The following YAP1 variants were observed in gnomAD, a reference collection of about 807,000 sequenced individuals.
The protein encoded by YAP1 is Yes1 associated transcriptional regulator, also known as transcriptional coactivator YAP1.
A neutral mutation model predicts 56.9 loss-of-function variants in YAP1; 5 were observed. The observed-to-expected ratio is 0.09, with a 90% CI of 0.05 to 0.18. The LOEUF (loss-of-function observed/expected upper bound fraction) is 0.18. YAP1 is among the 10% of genes least tolerant of loss of function. The pLI, the probability that YAP1 is intolerant of heterozygous loss-of-function variation, is 1.00. For missense variants in YAP1, 539 were observed against 651.8 expected (o/e 0.83, Z 1.88); for synonymous variants, 265 against 248.1 (o/e 1.07, Z -0.64).
At chr11:102,171,567 T>C (rs888812617) in intron 3 of YAP1, among the ~76,000 whole-genome samples, 130 of 152,334 alleles carry the variant, frequency 8.5e-4, no homozygotes, top group African/African-American at 2.9e-3. Context: ...AGCTAATCTT[T>C]AATAAATAAA....
intron 2 of YAP1, among the ~76,000 whole-genome samples, chr11:102,140,670 C>T (rs950925157): frequency 2.6e-5 from 4 of 152,118 alleles, no homozygotes; most frequent in Non-Finnish European, 4.4e-5. Context: ...TGGTGAAACC[C>T]TGTCTCTACT....
intron 2 of YAP1, among the ~76,000 whole-genome samples, chr11:102,128,434 G>A (rs1207088701): frequency 2.0e-5 from 3 of 152,140 alleles, no homozygotes; most frequent in Non-Finnish European, 2.9e-5. Flanking sequence ...TGCCATGTAA[G>A]AAGTGCCTCT....
chr11:102,216,642 T>C (rs1395635866), intron 6 of YAP1, among the ~76,000 whole-genome samples: 1 of 152,180 alleles, frequency 6.6e-6, no homozygotes, highest in African/African-American at 2.4e-5. Flanking sequence ...AAAACTGATT[T>C]CAGTTGAAAC....
chr11:102,110,900 C>A lies in YAP1; in HGVS notation c.52C>A (p.Gln18Lys). 7.0e-7 allele frequency: 1 copy of A among 1,435,206 alleles called. No individual in the cohort carries two copies. Among genetic ancestry groups the A allele is most frequent in the African/African-American group, 1.5e-5 (1 of 66,744 alleles). 88.9% of individuals were successfully genotyped at this position (1,435,206 alleles called of 1,614,324 possible). The change falls in exon 1 of 9, where the codon CAG becomes AAG. Residue 18 changes from glutamine to lysine, a missense_variant. Around this residue, in one of 4 missense-constraint regions of YAP1, gnomAD observed 106 missense variants for 86.6 expected, o/e 1.22. Coordinates refer to ENST00000282441, the MANE Select transcript of YAP1 (RefSeq NM_001130145.3). ...PPQPAPQGQG[Q>K]PPSQPPQGQG... ...TCAACCGGCCCCCCAGGGCCAAGGG[C>A]AGCCGCCTTCGCAGCCCCCGCAGGG...
chr11:102,185,040 A>G (rs1947871796), intron 3 of YAP1, among the ~76,000 whole-genome samples: 1 of 152,270 alleles, frequency 6.6e-6, no homozygotes, highest in Non-Finnish European at 1.5e-5. Context: ...AGCACAAGAT[A>G]AGTGTTCAAT....
At chr11:102,218,062 C>G (rs111982518) in intron 6 of YAP1, among the ~76,000 whole-genome samples, 5 of 152,252 alleles carry the variant, frequency 3.3e-5, no homozygotes, top group Non-Finnish European at 5.9e-5. Context: ...CAAAACTCAT[C>G]AATTTATGCA....
In YAP1 at chr11:102,230,164, A is replaced by C. The variant is rs1950386499; in HGVS notation, c.*224A>C. The stretch of plus-strand genomic sequence containing the variant: ...GGCTCTAAAGAATCAAAAGAAAAAA[A>C]CTTTTTATTTCTTTTGCTATTAAAA... On this transcript the variant is annotated 3_prime_UTR_variant, in exon 9 of 9. Transcript: ENST00000282441. The C allele has an allele frequency of 2.3e-6, 1 of 434,648 alleles. No homozygotes were observed. Among genetic ancestry groups the C allele is most frequent in the Non-Finnish European group, 4.1e-6 (1 of 245,820 alleles). 26.9% of individuals were successfully genotyped at this position (434,648 alleles called of 1,614,324 possible).
chr11:102,162,577 T>G lies in YAP1; in HGVS notation c.688+6T>G. The G allele has an allele frequency of 1.9e-6, 3 of 1,611,978 alleles. No homozygotes were observed. The highest frequency in any genetic ancestry group is 2.5e-6 in the Non-Finnish European group (3 of 1,178,054). ...TATGATGAACTCGGCTTCAGGTGAG[T>G]GAGACACTGTAATTACAGCACATGG... On this transcript the variant is annotated splice_donor_region_variant and intron_variant, in intron 3 of 8. Transcript: ENST00000282441.
At chr11:102,220,753 AGATTTTGGG>A (rs748994137) in intron 6 of YAP1, among the ~76,000 whole-genome samples, 1 of 152,192 alleles carries the variant, frequency 6.6e-6, no homozygotes, top group Non-Finnish European at 1.5e-5. Flanking sequence ...AGTGCATGTA[AGATTTTGGG>A]GAGAGAAGTT....
At chr11:102,190,518 C>T (rs1948218041) in intron 4 of YAP1, among the ~76,000 whole-genome samples, 1 of 151,858 alleles carries the variant, frequency 6.6e-6, no homozygotes, top group South Asian at 2.1e-4. Flanking sequence ...TGTAGTCACT[C>T]AGGAGGCTGA....
At chr11:102,181,216 T>C (rs374220980) in intron 3 of YAP1, among the ~76,000 whole-genome samples, 33 of 151,596 alleles carry the variant, frequency 2.2e-4, no homozygotes, top group African/African-American at 7.8e-4. Flanking sequence ...GAGGTTGAGG[T>C]GGGCGGATCA....
Position 102,122,895 on chromosome 11 carries a change from C to CAAAAAAAAAAAAA in YAP1, c.572+8510_572+8522dup, listed in dbSNP as rs56934997. ...TGGGGGACAAGAGCGAGACTTCTCTCAAAAAAAAAAAAAAAAAAAAAGCAA... is the reference window on the plus strand; with the variant it reads ...TGGGGGACAAGAGCGAGACTTCTCTCAAAAAAAAAAAAAAAAAAAAAAAAAAAAAAAAAAGCAA... On this transcript the variant is annotated intron_variant, in intron 2 of 8. Transcript: ENST00000282441. 1.4e-3 allele frequency among the ~76,000 whole-genome samples: 110 copies of CAAAAAAAAAAAAA among 79,432 alleles called. 1 individual carries two copies. Among genetic ancestry groups the CAAAAAAAAAAAAA allele is most frequent in the Non-Finnish European group, 1.5e-3 (62 of 41,396 alleles). The allele number at this position is 79,432 out of a possible 152,430, so 52.1% of individuals were successfully genotyped here.
At position 102,201,315 on chromosome 11, in the gene YAP1, AAAG is replaced by A. The variant is rs144126296; in HGVS notation, c.803-4571_803-4569del. On this transcript the variant is annotated intron_variant, in intron 4 of 8. Transcript: ENST00000282441. The stretch of plus-strand genomic sequence containing the variant: ...TATGCATAGTATGCTACCATATATC[AAAG>A]AAGAAGGGATGTGTGATGTGTATGT... Among the ~76,000 whole-genome samples, 364 of 152,284 alleles carry A rather than the reference AAAG, an allele frequency of 2.4e-3. 4 individuals carry two copies. Among genetic ancestry groups the A allele is most frequent in the Admixed American group, 0.016 (244 of 15,292 alleles).
intron 2 of YAP1, among the ~76,000 whole-genome samples, chr11:102,123,110 C>G (rs1591135098): frequency 6.6e-6 from 1 of 152,038 alleles, no homozygotes; most frequent in East Asian, 1.9e-4. Context: ...TTAATCCTCC[C>G]ATTATAATGA....
rs1386992947 is a variant in YAP1, at chr11:102,111,064, C to T, written c.216C>T (p.Val72=). ...ACCTGGAGGCGCTCTTCAACGCCGT[C>T]ATGAACCCCAAGACGGCCAACGTGC... ...ETDLEALFNA[V]MNPKTANVPQ... Residue 72 remains valine (V), a synonymous_variant, in exon 1 of 9, where the codon GTC becomes GTT. Coordinates refer to ENST00000282441, the MANE Select transcript of YAP1 (RefSeq NM_001130145.3). 2 of 1,613,206 alleles carry T rather than the reference C, an allele frequency of 1.2e-6. No individual in the cohort carries two copies. Among genetic ancestry groups the T allele is most frequent in the African/African-American group, 1.3e-5 (1 of 74,898 alleles).
At chr11:102,137,464 T>C (rs1944736890) in intron 2 of YAP1, among the ~76,000 whole-genome samples, 1 of 152,224 alleles carries the variant, frequency 6.6e-6, no homozygotes, top group Non-Finnish European at 1.5e-5. Context: ...AAATCACATA[T>C]ATGGGTAGAA....
At chr11:102,161,345 TACACACACACACACACACACAC>T (rs34552492) in intron 2 of YAP1, among the ~76,000 whole-genome samples, 3 of 141,148 alleles carry the variant, frequency 2.1e-5, no homozygotes, top group African/African-American at 5.3e-5. Context: ...GTACTTTCAC[TACACACACACACACACACACAC>T]ACACACACAC....
intron 1 of YAP1, among the ~76,000 whole-genome samples, chr11:102,113,241 A>T (rs1943075040): frequency 6.6e-6 from 1 of 152,266 alleles, no homozygotes; most frequent in African/African-American, 2.4e-5. Flanking sequence ...GATTATGAAT[A>T]GTACAAATCT....
intron 1 of YAP1, 89 bp downstream of exon 1, chr11:102,111,258 A>T (rs977879585): frequency 1.3e-6 from 2 of 1,498,838 alleles, no homozygotes; most frequent in East Asian, 2.4e-5. Context: ...AGCTCTGGTC[A>T]GGGGAGGGGG....
Sources: gnomAD v4.1 joint callset for allele counts (sites outside exome capture counted in the v4.1 genomes callset) on GRCh38, gnomAD v4.1.1 for gene constraint, gnomAD v4.1.1 regional missense constraint, MANE v1.5 for transcripts, NCBI Gene and HGNC (gene_info 2026-07-23, HGNC 2026-07-21) for gene names.